The following TSPAN9 variants were observed in gnomAD, a reference collection of about 807,000 sequenced individuals.
TSPAN9 encodes the protein tetraspanin-9.
A neutral mutation model predicts 31.0 loss-of-function variants in TSPAN9; 16 were observed. That is an observed-to-expected ratio of 0.52 (90% CI 0.35 to 0.78). The LOEUF (loss-of-function observed/expected upper bound fraction) is 0.78. TSPAN9 is among the 30% of genes least tolerant of loss of function. The pLI, the probability that TSPAN9 is intolerant of heterozygous loss-of-function variation, is 0.01. For missense variants in TSPAN9, 272 were observed against 312.5 expected (o/e 0.87, Z 0.98); for synonymous variants, 145 against 121.6 (o/e 1.19, Z -1.27).
chr12:3,131,693 T>G (rs1287567265), intron 2 of TSPAN9, among the ~76,000 whole-genome samples: 1 of 152,228 alleles, frequency 6.6e-6, no homozygotes, highest in Non-Finnish European at 1.5e-5. Flanking sequence ...CCTCGTCGGA[T>G]AGGCCCTCAG....
rs142936876 is a variant in TSPAN9 at position 3,145,126 on chromosome 12, T to C, written c.-17-56051T>C. 2.6e-5 allele frequency among the ~76,000 whole-genome samples: 4 copies of C among 152,292 alleles called. No individual in the cohort carries two copies. The East Asian group carries it at 5.8e-4, about 22-fold the overall frequency. On this transcript the variant is annotated intron_variant, in intron 2 of 8. Coordinates refer to ENST00000011898, the MANE Select transcript of TSPAN9 (RefSeq NM_006675.5). ...CCCCCACTCCCTTGTGAGCACACAG[T>C]GCGTGCAGCAGCCCTCGGCGTCCTC...
chr12:3,198,897 G>C (rs957417330), intron 2 of TSPAN9, among the ~76,000 whole-genome samples: 3 of 151,978 alleles, frequency 2.0e-5, no homozygotes, highest in African/African-American at 7.3e-5. Flanking sequence ...ATCAGCACAG[G>C]TCACTACCAC....
rs187191244 is a variant in TSPAN9 at position 3,272,729 on chromosome 12, A to G, written c.64-5692A>G. On this transcript the variant is annotated intron_variant, in intron 3 of 8. Coordinates refer to ENST00000011898, the MANE Select transcript of TSPAN9 (RefSeq NM_006675.5). ...TGAGATATGGGCAGTGGCTGCCCCTAGGATCTAAGCAGCATGGAAGTGGGT... is the reference window on the plus strand; with the variant it reads ...TGAGATATGGGCAGTGGCTGCCCCTGGGATCTAAGCAGCATGGAAGTGGGT... Among the ~76,000 whole-genome samples, 278 of 152,294 alleles carry G rather than the reference A, an allele frequency of 1.8e-3. 2 individuals carry two copies. The highest frequency in any genetic ancestry group is 6.3e-3 in the African/African-American group (262 of 41,574).
chr12:3,163,667 GA>G (rs1418361948), intron 2 of TSPAN9, among the ~76,000 whole-genome samples: 1 of 152,172 alleles, frequency 6.6e-6, no homozygotes, highest in East Asian at 1.9e-4. Context: ...AGGTATTTAC[GA>G]GAGACAGATG....
At chr12:3,244,048 T>G (rs2098398037) in intron 3 of TSPAN9, among the ~76,000 whole-genome samples, 1 of 152,234 alleles carries the variant, frequency 6.6e-6, no homozygotes, top group African/African-American at 2.4e-5. Flanking sequence ...CCGTTGGGAC[T>G]GCTGGGTGTA....
At chr12:3,243,081 A>G (rs1361067602) in intron 3 of TSPAN9, among the ~76,000 whole-genome samples, 1 of 152,212 alleles carries the variant, frequency 6.6e-6, no homozygotes, top group Non-Finnish European at 1.5e-5. Context: ...AGCAGGGAAG[A>G]TGCCATCAAT....
At chr12:3,126,318 A>G (rs1328009972) in intron 2 of TSPAN9, among the ~76,000 whole-genome samples, 1 of 152,202 alleles carries the variant, frequency 6.6e-6, no homozygotes, top group African/African-American at 2.4e-5. Flanking sequence ...GTGCACTTAC[A>G]CAAACCTGGA....
At chr12:3,127,341 T>C (rs2098327782) in intron 2 of TSPAN9, among the ~76,000 whole-genome samples, 1 of 152,032 alleles carries the variant, frequency 6.6e-6, no homozygotes, top group South Asian at 2.1e-4. Flanking sequence ...GAGGCCGTTT[T>C]ACTTAACTTT....
At chr12:3,155,768 G>C (rs1271577756) in intron 2 of TSPAN9, among the ~76,000 whole-genome samples, 1 of 152,140 alleles carries the variant, frequency 6.6e-6, no homozygotes, top group Non-Finnish European at 1.5e-5. Flanking sequence ...TTCCCATCAC[G>C]CAGTGAGGAA....
intron 3 of TSPAN9, among the ~76,000 whole-genome samples, chr12:3,267,736 C>T (rs1364305839): frequency 1.3e-5 from 2 of 152,200 alleles, no homozygotes; most frequent in Admixed American, 6.5e-5. Flanking sequence ...TGGTGCCTTC[C>T]CTTCCACTTT....
At chr12:3,201,082 C>A in intron 2 of TSPAN9, 95 bp from the exon 3 acceptor site, 1 of 1,221,562 alleles carries the variant, frequency 8.2e-7, no homozygotes, top group South Asian at 1.3e-5. Context: ...GCCAGAGCCG[C>A]GCCGAGGCCG....
chr12:3,107,237 G>T lies in TSPAN9; in HGVS notation c.-18+23518G>T, dbSNP rs934971743. Reference sequence around the variant, plus strand: ...TAGAAAGCTGCCTCCATAAATTTGAGTTAGAGTGGTGGAGGGGCCAGACTG... The same window carrying T: ...TAGAAAGCTGCCTCCATAAATTTGATTTAGAGTGGTGGAGGGGCCAGACTG... On this transcript the variant is annotated intron_variant, in intron 2 of 8. Transcript: ENST00000011898. This position sits in a 1 kb window ranked among gnomAD's most constrained non-coding sequence, Gnocchi z 4.1. 1.3e-5 allele frequency among the ~76,000 whole-genome samples: 2 copies of T among 152,198 alleles called. No homozygotes were observed. Among genetic ancestry groups the T allele is most frequent in the East Asian group, 3.9e-4 (2 of 5,194 alleles).
chr12:3,278,821 G>A (rs909641500), intron 4 of TSPAN9, among the ~76,000 whole-genome samples, 171 bp from the exon 5 acceptor site: 9 of 152,164 alleles, frequency 5.9e-5, no homozygotes, highest in Admixed American at 4.6e-4. Flanking sequence ...TCCCTGATTA[G>A]TCAGCTCCTT....
intron 3 of TSPAN9, 52 bp downstream of exon 3, chr12:3,201,308 T>C (rs1233472820): frequency 6.5e-7 from 1 of 1,538,252 alleles, no homozygotes; most frequent in South Asian, 1.1e-5. Context: ...CCTCTTGGCT[T>C]ACCATAGCGT....
At chr12:3,105,772 G>A (rs532761638) in intron 2 of TSPAN9, among the ~76,000 whole-genome samples, 4 of 71,994 alleles carry the variant, frequency 5.6e-5, no homozygotes, top group African/African-American at 2.0e-4. Flanking sequence ...ACACGCGCAC[G>A]CACACACGCT....
intron 2 of TSPAN9, among the ~76,000 whole-genome samples, chr12:3,194,063 G>A (rs7968641): frequency 0.38 from 57,335 of 151,826 alleles, 11,455 homozygotes; most frequent in African/African-American, 0.52. Context: ...ACTCAAGGCT[G>A]TCAGGCTGTC....
chr12:3,146,474 G>A (rs1215177102), intron 2 of TSPAN9, among the ~76,000 whole-genome samples: 1 of 152,182 alleles, frequency 6.6e-6, no homozygotes, highest in Admixed American at 6.5e-5. Flanking sequence ...TCCTGTGCAG[G>A]GAACACAGCT....
At chr12:3,219,424 A>T (rs928910857) in intron 3 of TSPAN9, among the ~76,000 whole-genome samples, 18 of 152,292 alleles carry the variant, frequency 1.2e-4, no homozygotes, top group African/African-American at 3.6e-4. Flanking sequence ...GCTCAGCCGC[A>T]GTACCGACCC....
At chr12:3,223,667 C>T (rs957865865) in intron 3 of TSPAN9, among the ~76,000 whole-genome samples, 29 of 152,208 alleles carry the variant, frequency 1.9e-4, no homozygotes, top group African/African-American at 6.5e-4. Flanking sequence ...CCCTGCATTT[C>T]CTCACCTATA....
Sources: allele counts gnomAD v4.1 joint callset (sites outside exome capture counted in the v4.1 genomes callset), GRCh38; gene constraint gnomAD v4.1.1; non-coding constraint Gnocchi (gnomAD v3.1); transcripts MANE v1.5; gene names NCBI Gene and HGNC (gene_info 2026-07-23, HGNC 2026-07-21).